RBFOX1: variants seen among roughly 807,000 people sequenced by gnomAD.
The protein encoded by RBFOX1 is RNA binding fox-1 homolog 1.
Under a neutral mutation model 57.7 loss-of-function variants are expected in RBFOX1, and 8 were observed. That is an observed-to-expected ratio of 0.14 (90% CI 0.08 to 0.25). RBFOX1 has a LOEUF of 0.25. RBFOX1 is among the 10% of genes least tolerant of loss of function. RBFOX1 has a pLI of 1.00. For missense variants in RBFOX1, 611 were observed against 548.5 expected (o/e 1.11, Z -1.14); for synonymous variants, 326 against 222.4 (o/e 1.47, Z -4.15).
At chr16:6,464,670 A>G (rs936248812) in intron 2 of RBFOX1, among the ~76,000 whole-genome samples, 2 of 152,232 alleles carry the variant, frequency 1.3e-5, no homozygotes, top group African/African-American at 4.8e-5. Flanking sequence ...ATTCTTCGCA[A>G]TGATTCACCC....
intron 3 of RBFOX1, among the ~76,000 whole-genome samples, chr16:6,997,625 G>C (rs1160295480): frequency 6.6e-6 from 1 of 152,122 alleles, no homozygotes; most frequent in Non-Finnish European, 1.5e-5. Flanking sequence ...CATAATTATT[G>C]CTTAATTTTT....
chr16:6,542,175 G>A (rs761238981), intron 2 of RBFOX1, among the ~76,000 whole-genome samples: 9 of 151,940 alleles, frequency 5.9e-5, no homozygotes, highest in African/African-American at 1.5e-4. Flanking sequence ...ATCTTCCTGC[G>A]TCTGCCTCTC....
At chr16:5,697,510 GT>G (rs1282459611) in intron 3 of RBFOX1, among the ~76,000 whole-genome samples, 1 of 147,782 alleles carries the variant, frequency 6.8e-6, no homozygotes, top group African/African-American at 2.5e-5. Context: ...GGTAGTAGTT[GT>G]GGGCTTTTCT....
chr16:6,788,857 C>G (rs2082423022), intron 3 of RBFOX1, among the ~76,000 whole-genome samples: 1 of 152,158 alleles, frequency 6.6e-6, no homozygotes, highest in African/African-American at 2.4e-5. Flanking sequence ...GGCATCGCCT[C>G]ACTTCTGAGA....
intron 4 of RBFOX1, among the ~76,000 whole-genome samples, chr16:7,212,720 T>G (rs1379829033): frequency 6.6e-6 from 1 of 152,186 alleles, no homozygotes; most frequent in African/African-American, 2.4e-5. Context: ...ACCTAAAGCA[T>G]GTGGGCCTTA....
chr16:6,657,598 G>A (rs1253471044), intron 3 of RBFOX1, among the ~76,000 whole-genome samples: 2 of 152,160 alleles, frequency 1.3e-5, no homozygotes, highest in African/African-American at 4.8e-5. Context: ...CTGGAGTGAT[G>A]ACAGTTGCTC....
chr16:5,617,118 C>T lies in RBFOX1; in HGVS notation c.318+18157C>T, dbSNP rs190827055. ...CACTCCCTCCTTCCCTCCCTCCGTC[C>T]GTCCCTCCCTCCCTCATTCATTCAT... On this transcript the variant is annotated intron_variant, in intron 3 of 19. Coordinates refer to the RBFOX1 transcript ENST00000641259. Among the ~76,000 whole-genome samples, 98 of 151,818 alleles carry T rather than the reference C, an allele frequency of 6.5e-4. 1 individual carries two copies. In the East Asian group the frequency reaches 0.013, roughly 20 times the overall value.
At chr16:7,285,300 C>T (rs1345076583) in intron 4 of RBFOX1, among the ~76,000 whole-genome samples, 1 of 151,922 alleles carries the variant, frequency 6.6e-6, no homozygotes, top group Non-Finnish European at 1.5e-5. Flanking sequence ...AATTAAAGTA[C>T]AGTGATCACA....
intron 4 of RBFOX1, among the ~76,000 whole-genome samples, chr16:7,139,429 G>C (rs530230075): frequency 3.3e-5 from 5 of 152,206 alleles, no homozygotes; most frequent in African/African-American, 1.2e-4. Context: ...CAGAGACAAA[G>C]AGGGTCCTAT....
At chr16:5,933,120 G>C (rs1451225608) in intron 4 of RBFOX1, among the ~76,000 whole-genome samples, 16 of 152,174 alleles carry the variant, frequency 1.1e-4, no homozygotes. Context: ...TCTTCAAATG[G>C]AAACTTTTCA....
chr16:6,899,362 C>T (rs1053726269), intron 3 of RBFOX1, among the ~76,000 whole-genome samples: 6 of 152,144 alleles, frequency 3.9e-5, no homozygotes, highest in African/African-American at 1.2e-4. Context: ...CAGGCATTTT[C>T]TTCTTCCCTA....
chr16:5,917,460 C>T (rs1268108827), intron 4 of RBFOX1, among the ~76,000 whole-genome samples: 1 of 152,156 alleles, frequency 6.6e-6, no homozygotes, highest in Non-Finnish European at 1.5e-5. Context: ...AAGTAATTTT[C>T]TCAAGATAAT....
intron 2 of RBFOX1, among the ~76,000 whole-genome samples, chr16:5,474,466 C>T (rs937444600): frequency 2.0e-5 from 3 of 152,108 alleles, no homozygotes; most frequent in African/African-American, 7.2e-5. Context: ...CCAGCCTGGC[C>T]AACATGGTGA....
At chr16:6,564,584 A>G (rs1197567678) in intron 2 of RBFOX1, among the ~76,000 whole-genome samples, 1 of 152,118 alleles carries the variant, frequency 6.6e-6, no homozygotes, top group African/African-American at 2.4e-5. Context: ...TGATATATGG[A>G]ATCTAAAAAG....
rs78472351 is a variant in RBFOX1 at position 7,059,590 on chromosome 16, G to T, written c.27+7492G>T. 7.8e-3 allele frequency among the ~76,000 whole-genome samples: 1,183 copies of T among 152,248 alleles called. 17 individuals are homozygous for T. Among genetic ancestry groups the T allele is most frequent in the African/African-American group, 0.027 (1,105 of 41,530 alleles). ...AAACTGATGAATATGAGAAACAAGAGATGCTGTGTAAAAGGGTATGAATAG... is the reference window on the plus strand; with the variant it reads ...AAACTGATGAATATGAGAAACAAGATATGCTGTGTAAAAGGGTATGAATAG... On this transcript the variant is annotated intron_variant, in intron 4 of 15. Coordinates refer to ENST00000550418, the MANE Select transcript of RBFOX1 (RefSeq NM_018723.4).
chr16:5,723,085 A>T (rs1415276538), intron 3 of RBFOX1, among the ~76,000 whole-genome samples: 1 of 152,202 alleles, frequency 6.6e-6, no homozygotes, highest in Admixed American at 6.5e-5. Flanking sequence ...TTCACAAGTG[A>T]TGCAGGTTTG....
chr16:5,909,812 G>A (rs2058564850), intron 4 of RBFOX1, among the ~76,000 whole-genome samples: 1 of 152,164 alleles, frequency 6.6e-6, no homozygotes, highest in South Asian at 2.1e-4. Context: ...AGCACTTTGG[G>A]AGACCGCGGC....
intron 1 of RBFOX1, among the ~76,000 whole-genome samples, chr16:6,213,749 C>G (rs986346281): frequency 1.3e-5 from 2 of 152,200 alleles, no homozygotes; most frequent in Admixed American, 6.5e-5. Context: ...CCTCTCCATC[C>G]CTTTGTCTAC....
At chr16:6,180,828 C>T (rs1598125310) in intron 1 of RBFOX1, among the ~76,000 whole-genome samples, 1 of 152,036 alleles carries the variant, frequency 6.6e-6, no homozygotes, top group Non-Finnish European at 1.5e-5. Context: ...GGCCTCCCAA[C>T]ATGCTGGGAT....
Sources: allele counts gnomAD v4.1 joint callset (sites outside exome capture counted in the v4.1 genomes callset), GRCh38; gene constraint gnomAD v4.1.1; transcripts MANE v1.5; gene names NCBI Gene and HGNC (gene_info 2026-07-23, HGNC 2026-07-21).